ZNF215: variants seen among roughly 807,000 people sequenced by gnomAD.
ZNF215 encodes BWSCR2-associated zinc finger protein 2.
ZNF215 carries 24 observed loss-of-function variants against 27.2 expected under a neutral mutation model. That is an observed-to-expected ratio of 0.88 (90% confidence interval 0.64 to 1.24). ZNF215 has a LOEUF of 1.24. ZNF215 is among the 50% of genes most tolerant of loss of function. The pLI, the probability that ZNF215 is intolerant of heterozygous loss-of-function variation, is 0.00. For synonymous variants in ZNF215, 210 were observed against 204.0 expected (o/e 1.03, Z -0.25); for missense variants, 675 against 605.7 (o/e 1.11, Z -1.20).
chr11:6,989,605 A>G (rs972669566), downstream of ZNF215, among the ~76,000 whole-genome samples: 3 of 152,124 alleles, frequency 2.0e-5, no homozygotes, highest in Admixed American at 1.3e-4. Context: ...CTAAAATTTC[A>G]TGAATAGGTG....
At chr11:6,959,617 T>A (rs1207139709), downstream of ZNF215, among the ~76,000 whole-genome samples, 1 of 152,168 alleles carries the variant, frequency 6.6e-6, no homozygotes, top group Admixed American at 6.5e-5. Context: ...AAAATAATCT[T>A]GAATAAGAGG....
chr11:6,970,589 AAC>A (rs1278103058), intron 5 of ZNF215, among the ~76,000 whole-genome samples: 1 of 152,182 alleles, frequency 6.6e-6, no homozygotes, highest in African/African-American at 2.4e-5. Context: ...TACAGAGAAA[AAC>A]AAGGGATAAT....
intron 6 of ZNF215, among the ~76,000 whole-genome samples, chr11:6,953,627 T>C (rs1178465310): frequency 6.6e-6 from 1 of 152,216 alleles, no homozygotes; most frequent in African/African-American, 2.4e-5. Flanking sequence ...ATTCTAGTTA[T>C]ACATTTGTCT....
downstream of ZNF215, among the ~76,000 whole-genome samples, chr11:6,987,135 A>T (rs139242146): frequency 4.6e-5 from 7 of 152,178 alleles, no homozygotes; most frequent in Non-Finnish European, 1.0e-4. Flanking sequence ...GTGACCATCA[A>T]TGGTGGATTG....
intron 6 of ZNF215, among the ~76,000 whole-genome samples, chr11:6,945,122 T>G (rs866883125): frequency 2.6e-5 from 4 of 152,174 alleles, no homozygotes; most frequent in Non-Finnish European, 5.9e-5. Flanking sequence ...TAATAGAGTA[T>G]TATTATCTCT....
chr11:6,953,667 G>C (rs893447526), intron 6 of ZNF215, among the ~76,000 whole-genome samples: 2 of 152,122 alleles, frequency 1.3e-5, no homozygotes, highest in African/African-American at 4.8e-5. Context: ...CACCTTCTTT[G>C]CCTTTGGTTT....
At chr11:6,979,261 A>G (rs1160016998) in intron 5 of ZNF215, among the ~76,000 whole-genome samples, 2 of 152,058 alleles carry the variant, frequency 1.3e-5, no homozygotes, top group Non-Finnish European at 2.9e-5. Flanking sequence ...CAATGTTGAA[A>G]GGATAAAGGA....
Position 6,932,363 on chromosome 11 carries a change from T to C in ZNF215, c.91T>C (p.Trp31Arg), listed in dbSNP as rs1286343183. The change falls in exon 3 of 7, where the codon TGG becomes CGG. Residue 31 changes from tryptophan to arginine, a missense_variant. Trp to Arg is a moderately radical substitution (Grantham distance 101). Transcript: ENST00000278319. Reference protein sequence around the residue: ...QREVLRADMSWQQETNPVVET... With the variant: ...QREVLRADMSRQQETNPVVET... ...AGAGGTTCTGAGAGCAGATATGTCT[T>C]GGCAGCAGGAAACCAACCCCGTCGT... The C allele has an allele frequency of 6.2e-7, 1 of 1,614,072 alleles. No homozygotes were observed. Among genetic ancestry groups the C allele is most frequent in the Admixed American group, 1.7e-5 (1 of 59,994 alleles).
At chr11:6,976,702 C>T (rs1290782095) in intron 5 of ZNF215, among the ~76,000 whole-genome samples, 1 of 151,994 alleles carries the variant, frequency 6.6e-6, no homozygotes, top group African/African-American at 2.4e-5. Context: ...TTATTCTCCA[C>T]TAGTCACCAC....
In ZNF215 at chr11:6,943,573, G is replaced by T. The variant is rs746796225; in HGVS notation, c.644G>T (p.Ser215Ile). Reference sequence around the variant, plus strand: ...CATCTACTTTCCAAACCATTTGAGAGCCTTAAGTTGGAGAGTAAGAAAAAA... The same window carrying T: ...CATCTACTTTCCAAACCATTTGAGATCCTTAAGTTGGAGAGTAAGAAAAAA... The part of the protein sequence containing the change: ...KAHLLSKPFE[S>I]LKLESKKKRW... The change falls in exon 6 of 7, where the codon AGC becomes ATC. Residue 215 changes from serine to isoleucine, a missense_variant. Coordinates refer to ENST00000278319, the MANE Select transcript of ZNF215 (RefSeq NM_013250.4). 35 of 1,613,858 alleles carry T rather than the reference G, an allele frequency of 2.2e-5. 1 individual carries two copies. Among genetic ancestry groups the T allele is most frequent in the Admixed American group, 1.7e-4 (10 of 59,990 alleles).
At chr11:6,948,527 C>A (rs1849911806) in intron 6 of ZNF215, among the ~76,000 whole-genome samples, 1 of 152,118 alleles carries the variant, frequency 6.6e-6, no homozygotes, top group African/African-American at 2.4e-5. Flanking sequence ...AATGAAGACA[C>A]TGAAGTTTTT....
At chr11:6,950,263 G>C (rs1003386503) in intron 6 of ZNF215, among the ~76,000 whole-genome samples, 3 of 147,314 alleles carry the variant, frequency 2.0e-5, no homozygotes. Flanking sequence ...TTCCAATTCT[G>C]TGAAGAAAGT....
intron 3 of ZNF215, 122 bp from the exon 4 acceptor site, chr11:6,941,449 C>G (rs1849627675): frequency 5.3e-6 from 4 of 758,444 alleles, no homozygotes; most frequent in African/African-American, 1.8e-5. Flanking sequence ...CAGGGCCTGA[C>G]ATTATTTTTT....
chr11:6,941,061 A>G (rs75975201), intron 3 of ZNF215, among the ~76,000 whole-genome samples: 2 of 152,266 alleles, frequency 1.3e-5, no homozygotes, highest in East Asian at 3.9e-4. Flanking sequence ...TCAGAATTTT[A>G]TGTTTTGAAA....
intron 6 of ZNF215, among the ~76,000 whole-genome samples, chr11:6,946,023 T>TA (rs1276197771): frequency 6.6e-6 from 1 of 152,176 alleles, no homozygotes; most frequent in Non-Finnish European, 1.5e-5. Context: ...GCCCTCTACC[T>TA]AGTTACACAA....
At chr11:6,983,012 A>C (rs1294023310) in intron 5 of ZNF215, among the ~76,000 whole-genome samples, 1 of 150,262 alleles carries the variant, frequency 6.7e-6, no homozygotes, top group Non-Finnish European at 1.5e-5. Context: ...GACCACTAGC[A>C]AGACTAATAA....
intron 6 of ZNF215, among the ~76,000 whole-genome samples, chr11:6,954,183 G>A (rs887875663): frequency 1.8e-5 from 2 of 114,246 alleles, no homozygotes; most frequent in Admixed American, 9.9e-5. Flanking sequence ...CGGGGGTCAG[G>A]GTTCAGGGAC....
intron 2 of ZNF215, among the ~76,000 whole-genome samples, chr11:6,929,411 T>C (rs1483204799): frequency 6.6e-6 from 1 of 152,208 alleles, no homozygotes; most frequent in Non-Finnish European, 1.5e-5. Flanking sequence ...GTTTAATTTT[T>C]ACCTAATGTC....
At chr11:6,966,509 AT>A (rs1398537085) in intron 5 of ZNF215, among the ~76,000 whole-genome samples, 1 of 151,514 alleles carries the variant, frequency 6.6e-6, no homozygotes, top group South Asian at 2.1e-4. Flanking sequence ...GAAAAAAAAA[AT>A]GTTTATATCA....
Sources: allele counts gnomAD v4.1 joint callset (sites outside exome capture counted in the v4.1 genomes callset), GRCh38; gene constraint gnomAD v4.1.1; transcripts MANE v1.5; gene names NCBI Gene and HGNC (gene_info 2026-07-23, HGNC 2026-07-21).